Variants in CFAP65 observed in about 807,000 individuals in gnomAD.
CFAP65 encodes the protein cilia- and flagella-associated protein 65.
In CFAP65, 155 loss-of-function variants were observed where a neutral mutation model predicts 208.0. The observed-to-expected ratio is 0.75, with a 90% CI of 0.65 to 0.85. The LOEUF (loss-of-function observed/expected upper bound fraction) is 0.85. CFAP65 is among the 40% of genes least tolerant of loss of function. The pLI, the probability that CFAP65 is intolerant of heterozygous loss-of-function variation, is 0.00. For synonymous variants in CFAP65, 970 were observed against 986.3 expected (o/e 0.98, Z 0.31); for missense variants, 2,294 against 2,451.3 (o/e 0.94, Z 1.36).
In CFAP65 at chr2:219,035,635, G is replaced by A. The variant is rs1445177006; in HGVS notation, c.387C>T (p.His129=). 2.5e-6 allele frequency: 4 copies of A among 1,614,008 alleles called. No individual in the cohort carries two copies. Among genetic ancestry groups the A allele is most frequent in the Non-Finnish European group, 2.5e-6 (3 of 1,179,954 alleles). The change falls in exon 5 of 35, where the codon CAC becomes CAT. Residue 129 remains histidine (H), a synonymous_variant. Coordinates refer to ENST00000341552, the MANE Select transcript of CFAP65 (RefSeq NM_194302.4). Reference sequence around the variant, plus strand: ...TCACTCTCTCCTGCTTCTTTGGGGAGTGCATCTGAGTGTCCATGGAGCTTG... The same window carrying A: ...TCACTCTCTCCTGCTTCTTTGGGGAATGCATCTGAGTGTCCATGGAGCTTG... ...QPASSMDTQM[H]SPKKQERVNK...
intron 24 of CFAP65, among the ~76,000 whole-genome samples, chr2:219,012,505 G>A (rs1407115875): frequency 1.3e-5 from 2 of 152,208 alleles, no homozygotes; most frequent in Non-Finnish European, 2.9e-5. Context: ...CCCATTCCTT[G>A]GCCTCTAGGG....
At chr2:219,012,223 T>G (rs1054245955) in intron 24 of CFAP65, among the ~76,000 whole-genome samples, 1 of 152,288 alleles carries the variant, frequency 6.6e-6, no homozygotes, top group East Asian at 1.9e-4. Context: ...CAGAATGGAC[T>G]AAGACACTTG....
Position 219,004,494 on chromosome 2 carries a change from G to GC in CFAP65, c.5052-40dup. On this transcript the variant is annotated intron_variant, in intron 32 of 34. Transcript: ENST00000341552. This position sits in a 1 kb window ranked among gnomAD's most constrained non-coding sequence, Gnocchi z 4.7. ...AGAAGGAGAAGGCCCTTGCTGAGGG[G>GC]CCCTGAAGCCCCTGGGGAGCCCTGG... 6.4e-7 allele frequency: 1 copy of GC among 1,557,132 alleles called. No individual in the cohort carries two copies. The highest frequency in any genetic ancestry group is 8.7e-7 in the Non-Finnish European group (1 of 1,155,634).
intron 19 of CFAP65, among the ~76,000 whole-genome samples, chr2:219,020,490 C>T (rs1947200347): frequency 6.6e-6 from 1 of 152,196 alleles, no homozygotes; most frequent in African/African-American, 2.4e-5. Flanking sequence ...AAGCAATCCT[C>T]CTGCCTCAGC....
At chr2:219,015,893 C>T (rs888936530) in intron 21 of CFAP65, among the ~76,000 whole-genome samples, 2 of 151,992 alleles carry the variant, frequency 1.3e-5, no homozygotes, top group Non-Finnish European at 2.9e-5. Context: ...ATGTATTGAT[C>T]TAAAGGAGAT....
rs201618042 is a variant in CFAP65 at position 219,027,921 on chromosome 2, A to G, written c.1940T>C (p.Phe647Ser). Residue 647 changes from phenylalanine (F) to serine (S), a missense_variant, in exon 13 of 35, where the codon TTC becomes TCC. By Grantham distance (155) the Phe-to-Ser change is radical. Around this residue, in one of 2 missense-constraint regions of CFAP65, gnomAD observed 867 missense variants for 1,012.6 expected, o/e 0.86. Coordinates refer to ENST00000341552, the MANE Select transcript of CFAP65 (RefSeq NM_194302.4). Reference protein sequence around the residue: ...FFDGTSDITIFPPPISVEPVE... With the variant: ...FFDGTSDITISPPPISVEPVE... ...AGGCTCTACACTGATGGGCGGGGGG[A>G]AGATGGTTATGTCGCTGGTGCCGTC... 593 of 1,522,538 alleles carry G rather than the reference A, an allele frequency of 3.9e-4. 9 individuals are homozygous for G. The East Asian group carries it at 0.013, about 34-fold the overall frequency. 94.3% of individuals were successfully genotyped at this position (1,522,538 alleles called of 1,614,324 possible).
chr2:219,029,264 G>T, intron 11 of CFAP65, 139 bp downstream of exon 11: 1 of 1,122,032 alleles, frequency 8.9e-7, no homozygotes, highest in South Asian at 1.6e-5. Context: ...CCAGGGCTGG[G>T]GCCCAGGAGT....
At position 219,004,702 on chromosome 2, in the gene CFAP65, C is replaced by T. The variant is rs1338749857; in HGVS notation, c.5052-247G>A. 6.6e-6 allele frequency among the ~76,000 whole-genome samples: 1 copy of T among 151,986 alleles called. No homozygotes were observed. Among genetic ancestry groups the T allele is most frequent in the African/African-American group, 2.4e-5 (1 of 41,376 alleles). On this transcript the variant is annotated intron_variant, in intron 32 of 34. Transcript: ENST00000341552. The surrounding 1 kb of genome is among the most constrained non-coding windows in gnomAD (Gnocchi z 4.7). The stretch of plus-strand genomic sequence containing the variant: ...ATTCACACACATGATGGGCAGGAAC[C>T]CTGGGGAGATAGTGGACTGGCTCCA...
Position 219,032,874 on chromosome 2 carries a change from T to TA in CFAP65, c.543-303dup, listed in dbSNP as rs1948137555. ...GGACAGTGAAGGGTTACCCAGATTT[T>TA]AAAGAGTCCGCAAGCACTGAGGTGG... On this transcript the variant is annotated intron_variant, in intron 5 of 34. Coordinates refer to ENST00000341552, the MANE Select transcript of CFAP65 (RefSeq NM_194302.4). The surrounding 1 kb of genome is among the most constrained non-coding windows in gnomAD (Gnocchi z 5.5). Among the ~76,000 whole-genome samples, 1 of 152,020 alleles carries TA rather than the reference T, an allele frequency of 6.6e-6. No individual in the cohort carries two copies. Among genetic ancestry groups the TA allele is most frequent in the South Asian group, 2.1e-4 (1 of 4,810 alleles).
intron 16 of CFAP65, 120 bp from the exon 17 acceptor site, chr2:219,022,449 AT>A: frequency 1.8e-6 from 2 of 1,132,614 alleles, no homozygotes; most frequent in Non-Finnish European, 2.6e-6. Flanking sequence ...AATCTACCCT[AT>A]GCCAGGCATT....
chr2:219,030,453 G>C (rs1474639092), intron 9 of CFAP65, among the ~76,000 whole-genome samples: 1 of 152,242 alleles, frequency 6.6e-6, no homozygotes, highest in African/African-American at 2.4e-5. Flanking sequence ...ACAGCTAACT[G>C]TGGTCCTGGG....
chr2:219,023,234 C>T lies in CFAP65; in HGVS notation c.2793G>A (p.Arg931=). 3 of 1,612,614 alleles carry T rather than the reference C, an allele frequency of 1.9e-6. No individual in the cohort carries two copies. Among genetic ancestry groups the T allele is most frequent in the Non-Finnish European group, 8.5e-7 (1 of 1,179,930 alleles). Residue 931 remains arginine (R), a synonymous_variant, in exon 16 of 35, where the codon AGG becomes AGA. Coordinates refer to ENST00000341552, the MANE Select transcript of CFAP65 (RefSeq NM_194302.4). ...GTCTCTCGTTGGGCTGGATTAGCCC[C>T]CTGGAGGGCTGGACAGCCAGCAGCT... ...HRKLLAVQPS[R]GLIQPNERLT...
Position 219,032,094 on chromosome 2 carries a change from AT to A in CFAP65, c.645+375del, listed in dbSNP as rs1205782076. ...GCCACCATGCCTGGTTAACTTTTGT[AT>A]TTTTTAGTAGAGGTGGGGTTTCGCC... On this transcript the variant is annotated intron_variant, in intron 6 of 34. Coordinates refer to ENST00000341552, the MANE Select transcript of CFAP65 (RefSeq NM_194302.4). This position sits in a 1 kb window ranked among gnomAD's most constrained non-coding sequence, Gnocchi z 5.5. 6.6e-6 allele frequency among the ~76,000 whole-genome samples: 1 copy of A among 151,678 alleles called. No homozygotes were observed. The highest frequency in any genetic ancestry group is 1.5e-5 in the Non-Finnish European group (1 of 67,912).
chr2:219,027,915 G>C lies in CFAP65; in HGVS notation c.1946C>G (p.Pro649Arg), dbSNP rs144433350. ...CTCGACAGGCTCTACACTGATGGGC[G>C]GGGGGAAGATGGTTATGTCGCTGGT... ...DGTSDITIFP[P>R]PISVEPVEVD... Residue 649 changes from proline to arginine, a missense_variant, in exon 13 of 35, where the codon CCG becomes CGG. By Grantham distance (103) the Pro-to-Arg change is moderately radical (BLOSUM62 -2). Coordinates refer to ENST00000341552, the MANE Select transcript of CFAP65 (RefSeq NM_194302.4). 6.0e-5 allele frequency: 91 copies of C among 1,525,968 alleles called. 1 individual carries two copies. The East Asian group carries it at 1.8e-3, about 30-fold the overall frequency. 94.5% of individuals were successfully genotyped at this position (1,525,968 alleles called of 1,614,324 possible).
At position 219,024,253 on chromosome 2, in the gene CFAP65, G is replaced by A; in HGVS notation, c.2357C>T (p.Pro786Leu). The part of the protein sequence containing the change: ...QYSLDVPKLF[P>L]AVSSGEPTYR... ...GGTGGGCTCACCGGAGGACACTGCTGGAAATAGCTGGGGGTGGGAGAGGAG... is the reference window on the plus strand; with the variant it reads ...GGTGGGCTCACCGGAGGACACTGCTAGAAATAGCTGGGGGTGGGAGAGGAG... Residue 786 changes from proline to leucine, a missense_variant, in exon 15 of 35, where the codon CCA becomes CTA. This residue lies in a region of CFAP65 where 1,427 missense variants were observed against 1,438.7 expected (regional missense o/e 0.99). Transcript: ENST00000341552. 3 of 1,611,118 alleles carry A rather than the reference G, an allele frequency of 1.9e-6. No homozygotes were observed. The highest frequency in any genetic ancestry group is 2.2e-5 in the South Asian group (2 of 90,946).
intron 28 of CFAP65, 34 bp downstream of exon 28, chr2:219,009,313 T>C (rs1228635287): frequency 6.5e-7 from 1 of 1,541,708 alleles, no homozygotes; most frequent in Admixed American, 1.7e-5. Context: ...GAGCCATGCC[T>C]CCATCCCACT....
intron 4 of CFAP65, 51 bp downstream of exon 4, chr2:219,038,324 C>T: frequency 1.3e-6 from 2 of 1,586,416 alleles, no homozygotes; most frequent in Non-Finnish European, 1.7e-6. Context: ...CACCCATGCC[C>T]CGCCCTGGCC....
intron 27 of CFAP65, among the ~76,000 whole-genome samples, chr2:219,009,674 G>T (rs1210615618): frequency 1.1e-5 from 1 of 93,776 alleles, no homozygotes; most frequent in East Asian, 3.5e-4. Flanking sequence ...GGTGGGATGG[G>T]GTGGGGTGGG....
Position 219,004,492 on chromosome 2 carries a change from G to T in CFAP65, c.5052-37C>A, listed in dbSNP as rs764527945. On this transcript the variant is annotated intron_variant, in intron 32 of 34. Coordinates refer to ENST00000341552, the MANE Select transcript of CFAP65 (RefSeq NM_194302.4). This position sits in a 1 kb window ranked among gnomAD's most constrained non-coding sequence, Gnocchi z 4.7. ...GGAGAAGGAGAAGGCCCTTGCTGAGGGGCCCTGAAGCCCCTGGGGAGCCCT... is the reference window on the plus strand; with the variant it reads ...GGAGAAGGAGAAGGCCCTTGCTGAGTGGCCCTGAAGCCCCTGGGGAGCCCT... 18 of 1,560,666 alleles carry T rather than the reference G, an allele frequency of 1.2e-5. No individual in the cohort carries two copies. The Admixed American group carries it at 3.2e-4, about 28-fold the overall frequency.
Sources: allele counts gnomAD v4.1 joint callset (sites outside exome capture counted in the v4.1 genomes callset), GRCh38; gene constraint gnomAD v4.1.1; regional missense constraint gnomAD v4.1.1; non-coding constraint Gnocchi (gnomAD v3.1); transcripts MANE v1.5; gene names NCBI Gene and HGNC (gene_info 2026-07-23, HGNC 2026-07-21).